Variants in GATA3 observed in about 807,000 individuals in gnomAD.
GATA3 encodes the protein GATA binding protein 3.
Under a neutral mutation model 36.0 loss-of-function variants are expected in GATA3, and 6 were observed. That is an observed-to-expected ratio of 0.17 (90% confidence interval 0.09 to 0.33). The LOEUF is 0.33. Among genes scored for constraint, GATA3 ranks in the 10% least tolerant of loss-of-function variants. The pLI is 1.00. For synonymous variants in GATA3, 326 were observed against 273.0 expected, an observed-to-expected ratio of 1.19 and a Z score of -1.92; for missense variants, 514 against 610.1, an observed-to-expected ratio of 0.84 and a Z score of 1.66.
At position 8,055,469 on chromosome 10, in the gene GATA3, T is replaced by C. The variant is rs1832612298; in HGVS notation, c.-187T>C. The C allele has an allele frequency of 1.5e-6, 1 of 678,678 alleles. No individual in the cohort carries two copies. The highest frequency in any genetic ancestry group is 1.8e-5 in the African/African-American group (1 of 54,970). 42.0% of individuals were successfully genotyped at this position (678,678 alleles called of 1,614,324 possible). On this transcript the variant is annotated 5_prime_UTR_variant, in exon 2 of 6. Transcript: ENST00000379328. The surrounding 1 kb of genome is among the most constrained non-coding windows in gnomAD (Gnocchi z 5.4). ...TTGCTAAACGACCCCTCCAAGATAA[T>C]TTTTAAAAAACCTTCTCCTTTGCTC...
chr10:8,063,860 G>A, intron 3 of GATA3, 133 bp from the exon 4 acceptor site: 1 of 1,185,144 alleles, frequency 8.4e-7, no homozygotes, highest in Non-Finnish European at 1.2e-6. Flanking sequence ...AGGTGGGGGT[G>A]GACACGCTCC....
At chr10:8,052,390 G>A (rs986731577), upstream of GATA3, 3 of 152,228 alleles carry the variant, frequency 2.0e-5, no homozygotes, top group Admixed American at 2.0e-4. Flanking sequence ...GCACCGGAAG[G>A]CCTCCTCACC....
chr10:8,063,043 G>C (rs1457528908), intron 3 of GATA3, among the ~76,000 whole-genome samples: 1 of 152,208 alleles, frequency 6.6e-6, no homozygotes, highest in Non-Finnish European at 1.5e-5. Flanking sequence ...AGTGAATGCT[G>C]CTCAGACTTC....
At chr10:8,059,019 G>A (rs1262839599) in intron 3 of GATA3, among the ~76,000 whole-genome samples, 178 bp downstream of exon 3, 1 of 152,190 alleles carries the variant, frequency 6.6e-6, no homozygotes. Context: ...CCTAGCTCAC[G>A]CCTGGCCTCG....
Position 8,055,967 on chromosome 10 carries a change from G to C in GATA3, c.241+71G>C. The C allele has an allele frequency of 6.5e-7, 1 of 1,541,172 alleles. No individual in the cohort carries two copies. Among genetic ancestry groups the C allele is most frequent in the Non-Finnish European group, 8.8e-7 (1 of 1,139,568 alleles). ...GTCCCGGCTCGGGGAGGTCGGGAGG[G>C]ACCTGAGGGCGGGGAGAGGTCAAGC... On this transcript the variant is annotated intron_variant, in intron 2 of 5. Coordinates refer to ENST00000379328, the MANE Select transcript of GATA3 (RefSeq NM_001002295.2). The surrounding 1 kb of genome is among the most constrained non-coding windows in gnomAD (Gnocchi z 5.4).
chr10:8,063,832 T>C (rs1812993698), intron 3 of GATA3, among the ~76,000 whole-genome samples, 161 bp from the exon 4 acceptor site: 1 of 152,168 alleles, frequency 6.6e-6, no homozygotes, highest in Non-Finnish European at 1.5e-5. Context: ...CAGCTCAACT[T>C]TGGAGCATCT....
chr10:8,051,806 G>C (rs1832500215), upstream of GATA3, among the ~76,000 whole-genome samples: 1 of 144,642 alleles, frequency 6.9e-6, no homozygotes, highest in Admixed American at 7.1e-5. Flanking sequence ...TGCTCTTGCC[G>C]GCGAGGCGGG....
At chr10:8,071,945 G>A (rs1022055127) in intron 5 of GATA3, among the ~76,000 whole-genome samples, 3 of 152,064 alleles carry the variant, frequency 2.0e-5, no homozygotes, top group Admixed American at 1.3e-4. Flanking sequence ...GCTAGATATC[G>A]GCATCAGAGC....
At chr10:8,052,276 G>A (rs889328981), upstream of GATA3, 1 of 152,028 alleles carries the variant, frequency 6.6e-6, no homozygotes, top group African/African-American at 2.4e-5. Flanking sequence ...CTAAAGGTGG[G>A]GGTTGCCCTT....
chr10:8,056,544 G>C (rs187361401), intron 2 of GATA3, among the ~76,000 whole-genome samples: 80 of 152,202 alleles, frequency 5.3e-4, no homozygotes, highest in Non-Finnish European at 8.8e-4. Flanking sequence ...AAGGGGTTTG[G>C]GGGGGAAGAC....
intron 4 of GATA3, among the ~76,000 whole-genome samples, chr10:8,065,597 CTT>C: frequency 6.6e-6 from 1 of 150,998 alleles, no homozygotes; most frequent in South Asian, 2.1e-4. Context: ...GTCCACATGA[CTT>C]TAATCTTTGA....
At chr10:8,059,900 T>G (rs982505161) in intron 3 of GATA3, among the ~76,000 whole-genome samples, 11 of 152,194 alleles carry the variant, frequency 7.2e-5, no homozygotes, top group Admixed American at 6.5e-5. Context: ...CATTTCAGAG[T>G]GGGCATCTCT....
chr10:8,065,606 T>C (rs1488353048), intron 4 of GATA3, among the ~76,000 whole-genome samples: 3 of 151,988 alleles, frequency 2.0e-5, no homozygotes, highest in Non-Finnish European at 4.4e-5. Context: ...ACTTTAATCT[T>C]TGACAATCCT....
chr10:8,061,264 G>C (rs915010017), intron 3 of GATA3, among the ~76,000 whole-genome samples: 1 of 152,320 alleles, frequency 6.6e-6, no homozygotes, highest in Middle Eastern at 3.4e-3. Context: ...ACAAAAGACA[G>C]AGTCTTTGTG....
upstream of GATA3, among the ~76,000 whole-genome samples, chr10:8,049,467 G>T (rs1392233748): frequency 1.3e-5 from 2 of 152,240 alleles, no homozygotes; most frequent in Non-Finnish European, 2.9e-5. Flanking sequence ...ATTTCAGCTC[G>T]CAAGGGAAAG....
chr10:8,058,215 G>A, intron 2 of GATA3, 90 bp from the exon 3 acceptor site: 5 of 1,423,440 alleles, frequency 3.5e-6, no homozygotes, highest in Non-Finnish European at 3.9e-6. Context: ...AGGCCGATGC[G>A]AGGTAGAGAT....
At position 8,058,488 on chromosome 10, in the gene GATA3, CG is replaced by C. The variant is rs1588377948; in HGVS notation, c.431del (p.Gly144AlafsTer51). 2 of 1,612,256 alleles carry C rather than the reference CG, an allele frequency of 1.2e-6. No homozygotes were observed. Among genetic ancestry groups the C allele is most frequent in the Admixed American group, 1.7e-5 (1 of 60,000 alleles). The part of the protein sequence containing the change: ...VYPPASSSSL[S>X]GGHASPHLFT... ...CCCCCGGCCTCGTCCTCCTCCTTGT[CG>C]GGGGGCCACGCCAGCCCGCACCTCT... On this transcript the variant is annotated frameshift_variant, in exon 3 of 6. Coordinates refer to ENST00000379328, the MANE Select transcript of GATA3 (RefSeq NM_001002295.2). LOFTEE classifies it high-confidence loss of function.
chr10:8,047,115 G>A (rs1045637730), intron 1 of GATA3, among the ~76,000 whole-genome samples: 1 of 152,222 alleles, frequency 6.6e-6, no homozygotes, highest in Non-Finnish European at 1.5e-5. Flanking sequence ...GGACAGTCAG[G>A]GGCGCAGAGA....
chr10:8,051,598 G>C (rs769683927), upstream of GATA3: 1 of 153,498 alleles, frequency 6.5e-6, no homozygotes, highest in Non-Finnish European at 1.5e-5. Flanking sequence ...AAGGGGACTC[G>C]CTAGACCAGG....
Sources: allele counts gnomAD v4.1 joint callset (sites outside exome capture counted in the v4.1 genomes callset), GRCh38; gene constraint gnomAD v4.1.1; non-coding constraint Gnocchi (gnomAD v3.1); transcripts MANE v1.5; gene names NCBI Gene and HGNC (gene_info 2026-07-23, HGNC 2026-07-21).